The following NUBPL variants were observed in gnomAD, a reference collection of about 807,000 sequenced individuals.
The protein encoded by NUBPL is iron-sulfur cluster transfer protein NUBPL.
NUBPL carries 31 observed loss-of-function variants against 45.7 expected under a neutral mutation model. The observed-to-expected ratio is 0.68, with a 90% CI of 0.51 to 0.92. The LOEUF is 0.92. Ranked by LOEUF, NUBPL falls within the 40% of genes least tolerant of loss-of-function variation. The probability of loss-of-function intolerance (pLI) is 0.00; values close to 1 mark genes in which losing one functional copy is unlikely to be tolerated. For missense variants in NUBPL, 401 were observed against 398.7 expected, an observed-to-expected ratio of 1.01 and a Z score of -0.05; for synonymous variants, 144 against 140.9, an observed-to-expected ratio of 1.02 and a Z score of -0.15.
intron 6 of NUBPL, among the ~76,000 whole-genome samples, chr14:31,726,130 A>C (rs1447959218): frequency 6.6e-6 from 1 of 152,238 alleles, no homozygotes; most frequent in East Asian, 1.9e-4. Flanking sequence ...AAGTTTGAGA[A>C]GGACAGTTCA....
chr14:31,675,997 T>A (rs941010054), intron 6 of NUBPL, among the ~76,000 whole-genome samples: 3 of 152,034 alleles, frequency 2.0e-5, no homozygotes, highest in Admixed American at 6.6e-5. Flanking sequence ...TTTTTAAATT[T>A]CAAATGAATA....
At chr14:31,722,584 C>T (rs186827115) in intron 6 of NUBPL, among the ~76,000 whole-genome samples, 5 of 152,228 alleles carry the variant, frequency 3.3e-5, no homozygotes, top group South Asian at 2.1e-4. Context: ...CCCTTTTCTC[C>T]GCTACTTCGC....
At chr14:31,649,556 T>A (rs1279372536) in intron 4 of NUBPL, among the ~76,000 whole-genome samples, 1 of 152,232 alleles carries the variant, frequency 6.6e-6, no homozygotes, top group Non-Finnish European at 1.5e-5. Context: ...TTTAGAGTTT[T>A]GAAATTTTAA....
At chr14:31,816,741 A>G (rs2039926061) in intron 7 of NUBPL, among the ~76,000 whole-genome samples, 1 of 151,960 alleles carries the variant, frequency 6.6e-6, no homozygotes, top group Admixed American at 6.6e-5. Flanking sequence ...CTTTGTTCTC[A>G]TTGGTTTTAA....
chr14:31,565,539 A>T (rs2033414421), intron 3 of NUBPL, among the ~76,000 whole-genome samples: 1 of 152,158 alleles, frequency 6.6e-6, no homozygotes, highest in South Asian at 2.1e-4. Flanking sequence ...CCATATAAAA[A>T]TCTAAAACAA....
intron 3 of NUBPL, among the ~76,000 whole-genome samples, chr14:31,573,487 C>T (rs1287565406): frequency 6.6e-6 from 1 of 152,164 alleles, no homozygotes; most frequent in Non-Finnish European, 1.5e-5. Flanking sequence ...TCAGACTCAG[C>T]ATGTGTAAAA....
chr14:31,833,927 A>AT (rs1481872339), intron 8 of NUBPL, among the ~76,000 whole-genome samples: 1 of 152,176 alleles, frequency 6.6e-6, no homozygotes, highest in East Asian at 1.9e-4. Context: ...GCCAAGGAAG[A>AT]TGAGATCATG....
intron 6 of NUBPL, among the ~76,000 whole-genome samples, chr14:31,688,311 T>C (rs1310786765): frequency 1.3e-5 from 2 of 151,894 alleles, no homozygotes. Flanking sequence ...GGCGCGGTGG[T>C]TCACGCCTGT....
chr14:31,583,404 A>G (rs1442068646), intron 3 of NUBPL, among the ~76,000 whole-genome samples: 3 of 152,182 alleles, frequency 2.0e-5, no homozygotes, highest in African/African-American at 7.2e-5. Context: ...GCTATATATT[A>G]GACACTGTGG....
intron 3 of NUBPL, among the ~76,000 whole-genome samples, chr14:31,575,427 T>A (rs2033692785): frequency 6.6e-6 from 1 of 152,198 alleles, no homozygotes. Context: ...TGTACCTACC[T>A]AATAACGTTG....
intron 6 of NUBPL, among the ~76,000 whole-genome samples, chr14:31,758,779 A>T (rs942008088): frequency 1.3e-5 from 2 of 152,214 alleles, no homozygotes; most frequent in Admixed American, 1.3e-4. Flanking sequence ...ATAACTACTG[A>T]GGGAAGTTGT....
At chr14:31,831,232 G>A (rs1002875684) in intron 8 of NUBPL, among the ~76,000 whole-genome samples, 23 of 151,540 alleles carry the variant, frequency 1.5e-4, no homozygotes, top group Non-Finnish European at 2.8e-4. Flanking sequence ...TAGTAGAGGC[G>A]GGGTTTCACC....
chr14:31,581,394 C>T (rs1196381877), intron 3 of NUBPL, among the ~76,000 whole-genome samples: 2 of 152,122 alleles, frequency 1.3e-5, no homozygotes, highest in African/African-American at 4.8e-5. Flanking sequence ...TCCCCGTTTT[C>T]TCCTGTTCCT....
chr14:31,857,646 C>T (rs1211839122), intron 10 of NUBPL, among the ~76,000 whole-genome samples: 1 of 152,156 alleles, frequency 6.6e-6, no homozygotes, highest in Non-Finnish European at 1.5e-5. Context: ...TTCTCAAATT[C>T]AAAGTTCCAC....
chr14:31,835,121 G>A (rs899935301), intron 8 of NUBPL, among the ~76,000 whole-genome samples: 2 of 152,216 alleles, frequency 1.3e-5, no homozygotes, highest in Non-Finnish European at 2.9e-5. Flanking sequence ...GCGATAAGGG[G>A]AAGGGGAGTT....
chr14:31,782,780 C>T (rs147158915), intron 6 of NUBPL, among the ~76,000 whole-genome samples: 10,067 of 141,674 alleles, frequency 0.071, 423 homozygotes, highest in Non-Finnish European at 0.098. Flanking sequence ...AGTGAGACTC[C>T]GTCTAAAAAA....
intron 6 of NUBPL, among the ~76,000 whole-genome samples, chr14:31,746,420 T>C (rs1202437184): frequency 1.3e-5 from 2 of 152,046 alleles, no homozygotes; most frequent in Non-Finnish European, 2.9e-5. Context: ...TTTTGTTAAA[T>C]GCTTTTTCTG....
chr14:31,763,745 G>A (rs1415281255), intron 6 of NUBPL, among the ~76,000 whole-genome samples: 1 of 152,058 alleles, frequency 6.6e-6, no homozygotes, highest in Admixed American at 6.6e-5. Context: ...TTAAATACAA[G>A]AATCTAACAT....
At chr14:31,723,663 T>C (rs555936393) in intron 6 of NUBPL, among the ~76,000 whole-genome samples, 1 of 152,302 alleles carries the variant, frequency 6.6e-6, no homozygotes, top group Non-Finnish European at 1.5e-5. Context: ...ATCTTTCACC[T>C]CCCTGGTTTG....
Sources: gnomAD v4.1 joint callset for allele counts (sites outside exome capture counted in the v4.1 genomes callset) on GRCh38, gnomAD v4.1.1 for gene constraint, MANE v1.5 for transcripts, NCBI Gene and HGNC (gene_info 2026-07-23, HGNC 2026-07-21) for gene names.